VPS26C: variants seen among roughly 807,000 people sequenced by gnomAD.
VPS26C encodes the protein VPS26 endosomal protein sorting factor C, also known as vacuolar protein sorting-associated protein 26C.
In VPS26C, 19 loss-of-function variants were observed where a neutral mutation model predicts 30.6. The ratio of observed to expected loss-of-function variants is 0.62; its 90% CI spans 0.43 to 0.91. The LOEUF (loss-of-function observed/expected upper bound fraction) is 0.91. Among genes scored for constraint, VPS26C ranks in the 40% least tolerant of loss-of-function variants. The probability of loss-of-function intolerance (pLI) is 0.00; values close to 1 mark genes in which losing one functional copy is unlikely to be tolerated. For synonymous variants in VPS26C, 132 were observed against 151.5 expected (o/e 0.87, Z 0.95); for missense variants, 318 against 385.1 (o/e 0.83, Z 1.46).
upstream of VPS26C, chr21:37,267,355 C>A (rs2086379088): frequency 2.0e-6 from 3 of 1,478,326 alleles, no homozygotes; most frequent in Admixed American, 3.4e-5. Context: ...AAACAAGGGG[C>A]GCCTCCCCGC....
intron 7 of VPS26C, chr21:37,227,097 CACTA>C (rs2085907425): frequency 6.6e-6 from 1 of 152,662 alleles, no homozygotes; most frequent in Admixed American, 6.5e-5. Flanking sequence ...CATGGAAACT[CACTA>C]GAGGCATCTA....
intron 1 of VPS26C, among the ~76,000 whole-genome samples, chr21:37,265,036 A>C (rs2086344269): frequency 6.6e-6 from 1 of 152,218 alleles, no homozygotes; most frequent in Non-Finnish European, 1.5e-5. Flanking sequence ...TGTCAGTCAA[A>C]AGGGCCACAT....
At position 37,233,931 on chromosome 21, in the gene VPS26C, A is replaced by G. The variant is rs1406650004; in HGVS notation, c.352-489T>C. Among the ~76,000 whole-genome samples, 2 of 152,244 alleles carry G rather than the reference A, an allele frequency of 1.3e-5. No homozygotes were observed. Among genetic ancestry groups the G allele is most frequent in the East Asian group, 3.8e-4 (2 of 5,202 alleles). On this transcript the variant is annotated intron_variant, in intron 3 of 7. Transcript: ENST00000309117. The surrounding 1 kb of genome is among the most constrained non-coding windows in gnomAD (Gnocchi z 5.2). ...ATGAGATCATGTGTGACAAGCACTCAGCACAGGGCTGGCACAAAGCAATGC... is the reference window on the plus strand; with the variant it reads ...ATGAGATCATGTGTGACAAGCACTCGGCACAGGGCTGGCACAAAGCAATGC...
At chr21:37,235,309 T>A (rs2086008653) in intron 3 of VPS26C, among the ~76,000 whole-genome samples, 1 of 152,118 alleles carries the variant, frequency 6.6e-6, no homozygotes, top group Admixed American at 6.5e-5. Flanking sequence ...AATTTTTGTA[T>A]TTTTAGTAGA....
chr21:37,232,097 T>G, intron 5 of VPS26C: 3 of 417,910 alleles, frequency 7.2e-6, no homozygotes, highest in Non-Finnish European at 8.6e-6. Context: ...CAGCAGGGGG[T>G]CTTGGGGGCC....
chr21:37,231,068 G>T (rs12482772), intron 5 of VPS26C, among the ~76,000 whole-genome samples: 7 of 152,090 alleles, frequency 4.6e-5, no homozygotes, highest in African/African-American at 1.7e-4. Context: ...CTGATGAGCA[G>T]GTGCTGAGGA....
chr21:37,227,324 G>T, intron 7 of VPS26C: 1 of 269,572 alleles, frequency 3.7e-6, no homozygotes, highest in Non-Finnish European at 7.1e-6. Flanking sequence ...ACGGAGCTCA[G>T]CGTCACCTGC....
chr21:37,249,285 G>C (rs1301051397), intron 1 of VPS26C, among the ~76,000 whole-genome samples: 2 of 152,168 alleles, frequency 1.3e-5, no homozygotes, highest in Non-Finnish European at 2.9e-5. Context: ...CTTGCACAAT[G>C]AGTGTATACC....
chr21:37,266,856 A>G (rs2086367576), intron 1 of VPS26C: 2 of 331,174 alleles, frequency 6.0e-6, no homozygotes, highest in Non-Finnish European at 1.1e-5. Context: ...ACCTTAGGAG[A>G]GAGGGAAAGG....
chr21:37,252,950 A>G (rs2086208554), intron 1 of VPS26C, among the ~76,000 whole-genome samples: 1 of 152,196 alleles, frequency 6.6e-6, no homozygotes, highest in Admixed American at 6.5e-5. Flanking sequence ...GATCTGTTCC[A>G]TATCTTGAAT....
intron 5 of VPS26C, among the ~76,000 whole-genome samples, chr21:37,231,317 C>T (rs761504400): frequency 1.6e-4 from 24 of 152,202 alleles, no homozygotes; most frequent in Non-Finnish European, 2.4e-4. Flanking sequence ...GCAGCTATCC[C>T]GAAGAAGAAA....
intron 1 of VPS26C, among the ~76,000 whole-genome samples, chr21:37,250,899 C>CA (rs11450988): frequency 0.42 from 32,858 of 77,778 alleles, 5,740 homozygotes; most frequent in East Asian, 0.57. Flanking sequence ...GACTCCATTT[C>CA]AAAAAAAAAA....
chr21:37,267,040 C>A lies in VPS26C; in HGVS notation c.57+198G>T, dbSNP rs1296798499. ...GGCGGCGCCTGCCCTGGGGCCTCCT[C>A]GCAGGGCAGCCAGCCTCGCGCGGGA... On this transcript the variant is annotated intron_variant, in intron 1 of 7. Coordinates refer to ENST00000309117, the MANE Select transcript of VPS26C (RefSeq NM_006052.2). The A allele has an allele frequency of 1.3e-5, 8 of 631,462 alleles. No individual in the cohort carries two copies. The African/African-American group carries it at 1.3e-4, about 10-fold the overall frequency. 39.1% of individuals were successfully genotyped at this position (631,462 alleles called of 1,614,324 possible).
chr21:37,231,640 A>G (rs1159506232), intron 5 of VPS26C: 1 of 152,414 alleles, frequency 6.6e-6, no homozygotes, highest in Non-Finnish European at 1.5e-5. Flanking sequence ...GGAAGGATGA[A>G]AAGTTACATC....
chr21:37,266,106 C>A (rs2086358359), intron 1 of VPS26C, among the ~76,000 whole-genome samples: 1 of 151,770 alleles, frequency 6.6e-6, no homozygotes, highest in Non-Finnish European at 1.5e-5. Flanking sequence ...TTAGTAGAGA[C>A]CAGGTTTCAC....
At chr21:37,241,314 C>T (rs1426935995) in intron 1 of VPS26C, among the ~76,000 whole-genome samples, 1 of 152,164 alleles carries the variant, frequency 6.6e-6, no homozygotes, top group Admixed American at 6.5e-5. Flanking sequence ...AGAGACTTCA[C>T]AACAGATCAT....
upstream of VPS26C, chr21:37,267,507 G>T: frequency 1.7e-6 from 1 of 586,514 alleles, no homozygotes. Context: ...CTTAGTGCGG[G>T]CCGAAGCGCT....
Position 37,240,548 on chromosome 21 carries a change from T to C in VPS26C, c.149A>G (p.Gln50Arg), listed in dbSNP as rs1474063922. ...CACACCCACACTTTTGGCACTGAGC[T>C]GGAGGTTTACAGTTCCTTCCATGGT... is the stretch of plus-strand genomic sequence containing the variant. Reference protein sequence around the residue: ...SLTMEGTVNLQLSAKSVGVFE... With the variant: ...SLTMEGTVNLRLSAKSVGVFE... Residue 50 changes from glutamine (Q) to arginine (R), a missense_variant, in exon 2 of 8, where the codon CAG becomes CGG. Physicochemically the swap from Gln to Arg is conservative, Grantham distance 43. Transcript: ENST00000309117. The C allele has an allele frequency of 6.2e-7, 1 of 1,614,214 alleles. No individual in the cohort carries two copies. Among genetic ancestry groups the C allele is most frequent in the Admixed American group, 1.7e-5 (1 of 60,024 alleles).
chr21:37,260,694 C>A (rs750659647), intron 1 of VPS26C, among the ~76,000 whole-genome samples: 1 of 152,096 alleles, frequency 6.6e-6, no homozygotes, highest in Non-Finnish European at 1.5e-5. Context: ...CTATTATATT[C>A]CATTCCTGAA....
Sources: gnomAD v4.1 joint callset for allele counts (sites outside exome capture counted in the v4.1 genomes callset) on GRCh38, gnomAD v4.1.1 for gene constraint, Gnocchi (gnomAD v3.1) non-coding constraint, MANE v1.5 for transcripts, NCBI Gene and HGNC (gene_info 2026-07-23, HGNC 2026-07-21) for gene names.